CHST9: variants seen among roughly 807,000 people sequenced by gnomAD.
CHST9 encodes the protein carbohydrate sulfotransferase 9.
A neutral mutation model predicts 44.4 loss-of-function variants in CHST9; 41 were observed. The ratio of observed to expected loss-of-function variants is 0.92; its 90% CI spans 0.72 to 1.20. The LOEUF (loss-of-function observed/expected upper bound fraction) is 1.20. CHST9 is among the 50% of genes most tolerant of loss of function. CHST9 has a pLI of 0.00. For synonymous variants in CHST9, 171 were observed against 178.4 expected, an observed-to-expected ratio of 0.96 and a Z score of 0.33; for missense variants, 504 against 516.5, an observed-to-expected ratio of 0.98 and a Z score of 0.23.
At chr18:26,977,872 T>C (rs2056642586) in intron 4 of CHST9, among the ~76,000 whole-genome samples, 1 of 152,002 alleles carries the variant, frequency 6.6e-6, no homozygotes, top group African/African-American at 2.4e-5. Flanking sequence ...AGGGCATATA[T>C]AGCCAAAGTC....
In CHST9 at chr18:27,102,509, C is replaced by G. The variant is rs535150821; in HGVS notation, c.121+40180G>C. ...TAAAATTATACTGCCATATTTACCCCATCCTAAATGATAAATTTTTCTATG... is the reference window on the plus strand; with the variant it reads ...TAAAATTATACTGCCATATTTACCCGATCCTAAATGATAAATTTTTCTATG... On this transcript the variant is annotated intron_variant, in intron 2 of 5. Coordinates refer to ENST00000618847, the MANE Select transcript of CHST9 (RefSeq NM_031422.6). Among the ~76,000 whole-genome samples the G allele has an allele frequency of 3.9e-5, 6 of 152,310 alleles. No homozygotes were observed. In the South Asian group the frequency reaches 1.2e-3, roughly 32 times the overall value.
chr18:27,081,168 A>G (rs989161030), intron 2 of CHST9, among the ~76,000 whole-genome samples: 1 of 152,092 alleles, frequency 6.6e-6, no homozygotes, highest in Non-Finnish European at 1.5e-5. Context: ...CCTCATCTCT[A>G]CTAACAATTA....
At chr18:26,927,999 A>G (rs1568095218) in intron 5 of CHST9, among the ~76,000 whole-genome samples, 1 of 120,576 alleles carries the variant, frequency 8.3e-6, no homozygotes, top group African/African-American at 2.8e-5. Flanking sequence ...ATGACTTTTA[A>G]CAGCACGCTG....
intron 5 of CHST9, among the ~76,000 whole-genome samples, chr18:26,942,112 G>A (rs1034223493): frequency 1.2e-4 from 19 of 152,028 alleles, no homozygotes; most frequent in African/African-American, 4.6e-4. Context: ...TCTAAAGTGG[G>A]TTTTCAAAAA....
intron 1 of CHST9, among the ~76,000 whole-genome samples, chr18:27,153,657 T>G (rs1045644384): frequency 2.0e-5 from 3 of 152,016 alleles, no homozygotes; most frequent in African/African-American, 7.2e-5. Context: ...CCAGCTAATC[T>G]GGCATGATCT....
intron 4 of CHST9, among the ~76,000 whole-genome samples, chr18:26,970,854 C>T (rs929660529): frequency 6.6e-6 from 1 of 152,172 alleles, no homozygotes; most frequent in South Asian, 2.1e-4. Context: ...AGAAATCTGG[C>T]CTCTACCCAT....
At chr18:26,954,201 A>G (rs1389825734) in intron 4 of CHST9, among the ~76,000 whole-genome samples, 1 of 152,078 alleles carries the variant, frequency 6.6e-6, no homozygotes, top group Non-Finnish European at 1.5e-5. Context: ...CTCTCAAAGA[A>G]GCATAGAGAG....
chr18:27,090,308 A>G (rs9675697), intron 2 of CHST9, among the ~76,000 whole-genome samples: 133,040 of 152,160 alleles, frequency 0.87, 58,389 homozygotes, highest in African/African-American at 0.94. Flanking sequence ...TTTTTTTCTT[A>G]TAAATTTGCT....
chr18:26,967,669 G>A (rs1464257682), intron 4 of CHST9, among the ~76,000 whole-genome samples: 2 of 152,186 alleles, frequency 1.3e-5, no homozygotes, highest in African/African-American at 4.8e-5. Context: ...AAAGGTGTGT[G>A]TGATGGTTAA....
intron 2 of CHST9, among the ~76,000 whole-genome samples, chr18:27,073,225 C>T (rs8089087): frequency 0.18 from 27,056 of 151,878 alleles, 2,621 homozygotes; most frequent in East Asian, 0.28. Context: ...AAGAGCAGAG[C>T]GTATGTTCTG....
At chr18:26,960,874 T>C (rs1003450749) in intron 4 of CHST9, among the ~76,000 whole-genome samples, 11 of 152,224 alleles carry the variant, frequency 7.2e-5, no homozygotes, top group Admixed American at 7.2e-4. Flanking sequence ...CTAGTAATAA[T>C]AATTTTTGCC....
chr18:27,115,213 T>C (rs902526980), intron 2 of CHST9, among the ~76,000 whole-genome samples: 1 of 152,212 alleles, frequency 6.6e-6, no homozygotes, highest in East Asian at 1.9e-4. Context: ...TGTTTCTTCA[T>C]AGCAGTGTGA....
At chr18:27,053,248 A>AGAAGAG in intron 2 of CHST9, among the ~76,000 whole-genome samples, 2 of 106,144 alleles carry the variant, frequency 1.9e-5, no homozygotes, top group African/African-American at 3.5e-5. Flanking sequence ...AAGAAGAAGA[A>AGAAGAG]GAAGAAGAAG....
chr18:27,041,224 A>AT (rs2057441132), intron 3 of CHST9, among the ~76,000 whole-genome samples: 1 of 152,058 alleles, frequency 6.6e-6, no homozygotes, highest in Non-Finnish European at 1.5e-5. Flanking sequence ...TTGAATATTC[A>AT]TTTTTATTTG....
Position 26,909,271 on chromosome 18 carries a change from C to T in CHST9, c.*6988G>A, listed in dbSNP as rs1419791525. The T allele has an allele frequency of 6.6e-6, 1 of 152,170 alleles. No individual in the cohort carries two copies. The highest frequency in any genetic ancestry group is 1.5e-5 in the Non-Finnish European group (1 of 68,038). 9.4% of individuals were successfully genotyped at this position (152,170 alleles called of 1,614,324 possible). ...CAACACAGTGACAGAATGAAAAGAG[C>T]AGGTTGTATTATCATTTATAATCAA... On this transcript the variant is annotated 3_prime_UTR_variant, in exon 6 of 6. Coordinates refer to ENST00000618847, the MANE Select transcript of CHST9 (RefSeq NM_031422.6).
intron 1 of CHST9, among the ~76,000 whole-genome samples, chr18:27,157,944 C>T (rs12456507): frequency 0.4 from 59,953 of 151,676 alleles, 12,287 homozygotes; most frequent in African/African-American, 0.47. Context: ...AGAGAATTTC[C>T]AGTAAAATGG....
Position 26,915,105 on chromosome 18 carries a change from G to T in CHST9, c.*1154C>A, listed in dbSNP as rs571216673. ...TTTGATTTAATATTTGAATGCAATGGTATCTGACTTTGTTAGTATAGAATA... is the reference window on the plus strand; with the variant it reads ...TTTGATTTAATATTTGAATGCAATGTTATCTGACTTTGTTAGTATAGAATA... On this transcript the variant is annotated 3_prime_UTR_variant, in exon 6 of 6. Coordinates refer to ENST00000618847, the MANE Select transcript of CHST9 (RefSeq NM_031422.6). The T allele has an allele frequency of 2.5e-6, 1 of 395,894 alleles. No homozygotes were observed. The highest frequency in any genetic ancestry group is 3.6e-5 in the East Asian group (1 of 27,920). 24.5% of individuals were successfully genotyped at this position (395,894 alleles called of 1,614,324 possible). A position where few individuals can be genotyped will look rare whatever the true frequency, so the allele number is the denominator to read the frequency against.
At chr18:26,974,786 G>T (rs1598608233) in intron 4 of CHST9, among the ~76,000 whole-genome samples, 1 of 151,328 alleles carries the variant, frequency 6.6e-6, no homozygotes, top group African/African-American at 2.4e-5. Flanking sequence ...TGATTCTCCT[G>T]CCTCAGCCTC....
intron 4 of CHST9, among the ~76,000 whole-genome samples, chr18:26,975,683 ATG>A (rs1329122885): frequency 2.2e-5 from 3 of 139,496 alleles, no homozygotes; most frequent in Non-Finnish European, 4.6e-5. Flanking sequence ...ATATGTATAT[ATG>A]TGTGTGTATA....
Sources: gnomAD v4.1 joint callset for allele counts (sites outside exome capture counted in the v4.1 genomes callset) on GRCh38, gnomAD v4.1.1 for gene constraint, MANE v1.5 for transcripts, NCBI Gene and HGNC (gene_info 2026-07-23, HGNC 2026-07-21) for gene names.